TFEC: variants seen among roughly 807,000 people sequenced by gnomAD.
TFEC encodes the protein class E basic helix-loop-helix protein 34.
TFEC carries 31 observed loss-of-function variants against 41.6 expected under a neutral mutation model. That is an observed-to-expected ratio of 0.74 (90% CI 0.56 to 1.01). The LOEUF (loss-of-function observed/expected upper bound fraction) is 1.01, where lower values mean the gene tolerates loss of function less well. Among genes scored for constraint, TFEC ranks in the 50% least tolerant of loss-of-function variants. TFEC has a pLI of 0.00. For missense variants in TFEC, 402 were observed against 404.1 expected, an observed-to-expected ratio of 0.99 and a Z score of 0.04; for synonymous variants, 143 against 140.6, an observed-to-expected ratio of 1.02 and a Z score of -0.12.
chr7:115,980,777 A>AG (rs959240006), intron 2 of TFEC, among the ~76,000 whole-genome samples: 1 of 150,850 alleles, frequency 6.6e-6, no homozygotes, highest in Admixed American at 6.6e-5. Flanking sequence ...AACAAAAAAA[A>AG]CAAAAAAAAA....
At chr7:116,137,823 C>T (rs1798462701) in intron 1 of TFEC, among the ~76,000 whole-genome samples, 2 of 151,654 alleles carry the variant, frequency 1.3e-5, no homozygotes, top group South Asian at 2.1e-4. Flanking sequence ...TGATAATCAA[C>T]TTAAATGATA....
At position 116,011,026 on chromosome 7, in the gene TFEC, C is replaced by T. The variant is rs544186776; in HGVS notation, c.-73+19607G>A. Among the ~76,000 whole-genome samples, 3 of 152,256 alleles carry T rather than the reference C, an allele frequency of 2.0e-5. No homozygotes were observed. In the East Asian group the frequency reaches 5.8e-4, roughly 29 times the overall value. Reference sequence around the variant, plus strand: ...ACCAGAAGGATTTTTTAAATTGGCACAAGCCCATTAGGTGATAAAATCATC... The same window carrying T: ...ACCAGAAGGATTTTTTAAATTGGCATAAGCCCATTAGGTGATAAAATCATC... On this transcript the variant is annotated intron_variant, in intron 1 of 7. Transcript: ENST00000265440.
chr7:116,052,488 G>T (rs896277031), intron 3 of TFEC, among the ~76,000 whole-genome samples: 1 of 152,008 alleles, frequency 6.6e-6, no homozygotes, highest in African/African-American at 2.4e-5. Context: ...GAGTGCAGTG[G>T]CGCAATCTCG....
intron 1 of TFEC, among the ~76,000 whole-genome samples, chr7:116,121,961 T>C (rs1198302508): frequency 2.0e-5 from 3 of 152,068 alleles, no homozygotes; most frequent in African/African-American, 7.2e-5. Context: ...AAAGAGTGAA[T>C]TGACAACCTA....
intron 1 of TFEC, among the ~76,000 whole-genome samples, chr7:116,157,845 G>T (rs370741359): frequency 1.2e-4 from 19 of 152,220 alleles, no homozygotes; most frequent in African/African-American, 4.6e-4. Flanking sequence ...TCATTCACTT[G>T]CACATCTGCT....
intron 3 of TFEC, among the ~76,000 whole-genome samples, chr7:116,046,860 G>T (rs1462359283): frequency 6.6e-6 from 1 of 152,126 alleles, no homozygotes; most frequent in Non-Finnish European, 1.5e-5. Context: ...TATGATAAAT[G>T]ATTCCCATAT....
intron 3 of TFEC, among the ~76,000 whole-genome samples, chr7:116,057,083 C>G (rs62475176): frequency 1.2e-4 from 18 of 151,898 alleles, no homozygotes; most frequent in Middle Eastern, 3.4e-3. Flanking sequence ...AGAAAACTTA[C>G]AGACAAAACA....
At chr7:116,148,033 A>T (rs1269632542) in intron 1 of TFEC, among the ~76,000 whole-genome samples, 1 of 152,212 alleles carries the variant, frequency 6.6e-6, no homozygotes, top group Non-Finnish European at 1.5e-5. Context: ...AGAGGTCTAC[A>T]AATTTAAATA....
At chr7:116,127,551 C>A (rs1402464800) in intron 1 of TFEC, among the ~76,000 whole-genome samples, 2 of 152,068 alleles carry the variant, frequency 1.3e-5, no homozygotes, top group South Asian at 2.1e-4. Flanking sequence ...GACTTTCTAA[C>A]AAATCCCTAT....
chr7:116,048,026 T>A (rs1464942529), intron 3 of TFEC, among the ~76,000 whole-genome samples: 2 of 152,080 alleles, frequency 1.3e-5, no homozygotes, highest in African/African-American at 4.8e-5. Flanking sequence ...ACCACAAAGA[T>A]GGGGAGAAAC....
intron 3 of TFEC, among the ~76,000 whole-genome samples, chr7:115,957,717 A>AT (rs923333514): frequency 1.3e-4 from 19 of 151,852 alleles, no homozygotes; most frequent in South Asian, 4.2e-4. Context: ...ATAAGAAGCA[A>AT]TTTTTTTTAT....
intron 3 of TFEC, among the ~76,000 whole-genome samples, chr7:116,105,324 T>C (rs1390611941): frequency 6.6e-6 from 1 of 152,182 alleles, no homozygotes; most frequent in Admixed American, 6.6e-5. Context: ...ACCACTGCTT[T>C]AATAAAAGTA....
At chr7:116,080,976 A>AGTGTATGTATGTGTGTGTGTGT (rs1424213374) in intron 3 of TFEC, among the ~76,000 whole-genome samples, 21 of 137,946 alleles carry the variant, frequency 1.5e-4, no homozygotes, top group African/African-American at 5.1e-4. Flanking sequence ...AAGAAAATGT[A>AGTGTATGTATGTGTGTGTGTGT]GTGTGTGTGT....
chr7:115,949,304 C>T (rs1425619493), intron 6 of TFEC, among the ~76,000 whole-genome samples: 9 of 151,972 alleles, frequency 5.9e-5, no homozygotes, highest in African/African-American at 2.2e-4. Flanking sequence ...AATGCCATCC[C>T]CATCAAGCTA....
chr7:115,998,051 A>G (rs1216535486), intron 1 of TFEC, among the ~76,000 whole-genome samples: 1 of 152,140 alleles, frequency 6.6e-6, no homozygotes, highest in Non-Finnish European at 1.5e-5. Context: ...CAAATGGGTA[A>G]TAACACAGAA....
At chr7:115,984,061 TAAAC>T (rs1432712119) in intron 2 of TFEC, among the ~76,000 whole-genome samples, 197 bp downstream of exon 2, 2 of 152,192 alleles carry the variant, frequency 1.3e-5, no homozygotes, top group Non-Finnish European at 2.9e-5. Context: ...AAGTGCATAT[TAAAC>T]AAGAATTTTT....
rs1793755524 is a variant in TFEC, at chr7:115,984,311, A to G, written c.131T>C (p.Leu44Pro). 1 of 1,614,106 alleles carries G rather than the reference A, an allele frequency of 6.2e-7. No homozygotes were observed. The highest frequency in any genetic ancestry group is 8.5e-7 in the Non-Finnish European group (1 of 1,179,960). The change falls in exon 2 of 8, where the codon CTC becomes CCC. Residue 44 changes from leucine (L) to proline (P), a missense_variant. Coordinates refer to ENST00000265440, the MANE Select transcript of TFEC (RefSeq NM_012252.4). ...DSDAGLTENP[L>P]TKLLAIGKED... ...TTTCCCAATAGCTAGTAACTTGGTG[A>G]GTGGGTTTTCTGTGAGGCCAGCATC... is the stretch of plus-strand genomic sequence containing the variant.
intron 6 of TFEC, among the ~76,000 whole-genome samples, chr7:115,944,798 A>G (rs1411620215): frequency 6.6e-6 from 1 of 151,390 alleles, no homozygotes; most frequent in Non-Finnish European, 1.5e-5. Flanking sequence ...TGCATCTGTC[A>G]TAAGAAATAC....
chr7:116,109,064 A>AAATTAATT (rs1405773048), intron 3 of TFEC, among the ~76,000 whole-genome samples: 1 of 152,018 alleles, frequency 6.6e-6, no homozygotes, highest in Non-Finnish European at 1.5e-5. Context: ...CCTTATACAA[A>AAATTAATT]AATTAATTCA....
Sources: allele counts gnomAD v4.1 joint callset (sites outside exome capture counted in the v4.1 genomes callset), GRCh38; gene constraint gnomAD v4.1.1; transcripts MANE v1.5; gene names NCBI Gene and HGNC (gene_info 2026-07-23, HGNC 2026-07-21).